EGLN2: variants seen among roughly 807,000 people sequenced by gnomAD.
EGLN2 encodes the protein egl-9 family hypoxia inducible factor 2.
EGLN2 carries 15 observed loss-of-function variants against 38.2 expected under a neutral mutation model. That is an observed-to-expected ratio of 0.39 (90% confidence interval 0.26 to 0.60). EGLN2 has a LOEUF of 0.60. Ranked by LOEUF, EGLN2 falls within the 20% of genes least tolerant of loss-of-function variation. The pLI is 0.50. For missense variants in EGLN2, 492 were observed against 570.4 expected (o/e 0.86, Z 1.40); for synonymous variants, 284 against 237.4 (o/e 1.20, Z -1.81).
chr19:40,801,534 C>T (rs2083258420), intron 2 of EGLN2, 119 bp downstream of exon 2: 1 of 1,422,062 alleles, frequency 7.0e-7, no homozygotes, highest in East Asian at 2.3e-5. Flanking sequence ...AAGGTTTAGG[C>T]AGTTCAGTGG....
rs1380826710 is a variant in EGLN2, at chr19:40,801,433, C to T, written c.843+18C>T. On this transcript the variant is annotated intron_variant, in intron 2 of 5. Coordinates refer to ENST00000303961, the MANE Select transcript of EGLN2 (RefSeq NM_080732.4). ...GCACCAAGGTAAGGCTAGGTGGGGG[C>T]CTCTTTGGAGGGGCTTTGCAGCACC... The T allele has an allele frequency of 6.3e-7, 1 of 1,592,908 alleles. No individual in the cohort carries two copies.
rs148078138 is a variant in EGLN2 at position 40,800,651 on chromosome 19, C to G, written c.79C>G (p.Pro27Ala). Residue 27 changes from proline to alanine, a missense_variant, in exon 2 of 6, where the codon CCT becomes GCT. Transcript: ENST00000303961. ...AGGGTCTTCGTCAGAGCCCTTGGAG[C>G]CTGAGCCTGGCCGGGCCAGGATGGG... Reference protein sequence around the residue: ...LPGSSSEPLEPEPGRARMGVE... With the variant: ...LPGSSSEPLEAEPGRARMGVE... 6.2e-6 allele frequency: 10 copies of G among 1,614,022 alleles called. No homozygotes were observed. In the South Asian group the frequency reaches 7.7e-5, roughly 12 times the overall value.
intron 2 of EGLN2, chr19:40,805,561 G>A (rs969052958): frequency 6.6e-6 from 1 of 152,262 alleles, no homozygotes; most frequent in Non-Finnish European, 1.5e-5. Context: ...TGGCAGCACT[G>A]AGACTTGAAC....
chr19:40,807,986 T>C lies in EGLN2; in HGVS notation c.*122T>C, dbSNP rs1599764597. 1.1e-6 allele frequency: 1 copy of C among 940,070 alleles called. No homozygotes were observed. The allele number at this position is 940,070 out of a possible 1,614,324, so 58.2% of individuals were successfully genotyped here. A position where few individuals can be genotyped will look rare whatever the true frequency, so the allele number is the denominator to read the frequency against. On this transcript the variant is annotated 3_prime_UTR_variant, in exon 6 of 6. Coordinates refer to ENST00000303961, the MANE Select transcript of EGLN2 (RefSeq NM_080732.4). ...CTGACTTTGCCTCTGTCCTGCCTGGTGTGGAGGGCTCTGTCTGTTGCTGAG... is the reference window on the plus strand; with the variant it reads ...CTGACTTTGCCTCTGTCCTGCCTGGCGTGGAGGGCTCTGTCTGTTGCTGAG...
chr19:40,799,871 T>C (rs1357868818), intron 1 of EGLN2: 4 of 151,784 alleles, frequency 2.6e-5, no homozygotes, highest in South Asian at 2.1e-4. Flanking sequence ...CTCTTTGTTT[T>C]TGGACTCCCC....
At chr19:40,803,012 C>G (rs996787588) in intron 2 of EGLN2, 1 of 152,322 alleles carries the variant, frequency 6.6e-6, no homozygotes, top group Admixed American at 6.5e-5. Context: ...TGTTCTACTT[C>G]CCTCTCCCTC....
intron 3 of EGLN2, 64 bp from the exon 4 acceptor site, chr19:40,807,074 G>C: frequency 6.3e-7 from 1 of 1,599,408 alleles, no homozygotes; most frequent in African/African-American, 1.3e-5. Context: ...GGGCTCCCGG[G>C]GCACCGTGGG....
rs1000260619 is a variant in EGLN2 at position 40,801,208 on chromosome 19, C to A, written c.636C>A (p.Ala212=). The A allele has an allele frequency of 1.2e-6, 2 of 1,612,664 alleles. No individual in the cohort carries two copies. Among genetic ancestry groups the A allele is most frequent in the Non-Finnish European group, 1.7e-6 (2 of 1,179,890 alleles). Residue 212 remains alanine, a synonymous_variant, in exon 2 of 6, where the codon GCC becomes GCA. Transcript: ENST00000303961. ...LGGRVLAEVE[A]LKRGGRLRDG... ...GTCGCGTGCTGGCCGAGGTGGAGGCCCTCAAACGGGGTGGGCGCCTGCGAG... is the reference window on the plus strand; with the variant it reads ...GTCGCGTGCTGGCCGAGGTGGAGGCACTCAAACGGGGTGGGCGCCTGCGAG...
chr19:40,801,948 C>T (rs996281495), intron 2 of EGLN2, among the ~76,000 whole-genome samples: 5 of 152,090 alleles, frequency 3.3e-5, no homozygotes, highest in Non-Finnish European at 5.9e-5. Context: ...ATGAGAGCTG[C>T]TGACATTCAC....
chr19:40,799,916 C>G (rs1261951410), intron 1 of EGLN2: 1 of 144,566 alleles, frequency 6.9e-6, no homozygotes, highest in African/African-American at 2.5e-5. Flanking sequence ...CCGCCCCCAC[C>G]CTGACTCTCC....
Position 40,808,016 on chromosome 19 carries a change from AAGG to A in EGLN2, c.*158_*160del, listed in dbSNP as rs1390803412. On this transcript the variant is annotated 3_prime_UTR_variant, in exon 6 of 6. Transcript: ENST00000303961. ...AGGGCTCTGTCTGTTGCTGAGGACC[AAGG>A]AGGAGAAGAGACCTTTGCTGCCCCA... is the stretch of plus-strand genomic sequence containing the variant. 1 of 744,526 alleles carries A rather than the reference AAGG, an allele frequency of 1.3e-6. No individual in the cohort carries two copies. Among genetic ancestry groups the A allele is most frequent in the Non-Finnish European group, 2.2e-6 (1 of 454,394 alleles). 46.1% of individuals were successfully genotyped at this position (744,526 alleles called of 1,614,324 possible). A position where few individuals can be genotyped will look rare whatever the true frequency, so the allele number is the denominator to read the frequency against.
chr19:40,800,387 G>T lies in EGLN2; in HGVS notation c.-186G>T. On this transcript the variant is annotated 5_prime_UTR_variant, in exon 2 of 6. Transcript: ENST00000303961. ...AGCCCTTAGGGACCGCAGAGGACTTGGGGACCAGCAAGCAACCCCCAGGGC... is the reference window on the plus strand; with the variant it reads ...AGCCCTTAGGGACCGCAGAGGACTTTGGGACCAGCAAGCAACCCCCAGGGC... The T allele has an allele frequency of 3.5e-6, 3 of 863,826 alleles. No individual in the cohort carries two copies. Among genetic ancestry groups the T allele is most frequent in the African/African-American group, 1.7e-5 (1 of 58,738 alleles). 53.5% of individuals were successfully genotyped at this position (863,826 alleles called of 1,614,324 possible). A position where few individuals can be genotyped will look rare whatever the true frequency, so the allele number is the denominator to read the frequency against.
At chr19:40,807,302 C>T (rs374003521) in intron 4 of EGLN2, 28 bp downstream of exon 4, 1 of 1,613,672 alleles carries the variant, frequency 6.2e-7, no homozygotes, top group African/African-American at 1.3e-5. Context: ...GGAGACGCAC[C>T]CAGGTGCTCC....
chr19:40,806,636 A>T lies in EGLN2; in HGVS notation c.925A>T (p.Thr309Ser). 1 of 1,613,954 alleles carries T rather than the reference A, an allele frequency of 6.2e-7. No individual in the cohort carries two copies. Among genetic ancestry groups the T allele is most frequent in the Non-Finnish European group, 8.5e-7 (1 of 1,179,956 alleles). ...DNPHGDGRCI[T>S]CIYYLNQNWD... The stretch of plus-strand genomic sequence containing the variant: ...TCCCCACGGCGATGGGCGCTGCATC[A>T]CCTGTATCTATTACCTGAATCAGAA... Residue 309 changes from threonine (T) to serine (S), a missense_variant, in exon 3 of 6, where the codon ACC becomes TCC. Around this residue, in one of 2 missense-constraint regions of EGLN2, gnomAD observed 114 missense variants for 184.2 expected, o/e 0.62. Coordinates refer to ENST00000303961, the MANE Select transcript of EGLN2 (RefSeq NM_080732.4).
At chr19:40,806,516 C>T (rs1412869407) in intron 2 of EGLN2, 39 bp from the exon 3 acceptor site, 1 of 1,612,378 alleles carries the variant, frequency 6.2e-7, no homozygotes, top group Admixed American at 1.7e-5. Context: ...GATGTGCCTG[C>T]CTAGCCCCAG....
intron 2 of EGLN2, 183 bp from the exon 3 acceptor site, chr19:40,806,372 G>C (rs1389902395): frequency 1.6e-6 from 2 of 1,233,904 alleles, no homozygotes; most frequent in African/African-American, 3.1e-5. Context: ...GTTTCTGATA[G>C]ACTTGGGGAT....
chr19:40,807,541 G>GTT lies in EGLN2; in HGVS notation c.1159_1160insTT (p.Tyr387PhefsTer4). 6.2e-7 allele frequency: 1 copy of GTT among 1,614,174 alleles called. No homozygotes were observed. The highest frequency in any genetic ancestry group is 8.5e-7 in the Non-Finnish European group (1 of 1,180,006). ...AGGAGCGGGCAGCAGCCAAAGACAA[G>GTT]TATCAGCTAGGTACCTGCTTCCCTC... is the stretch of plus-strand genomic sequence containing the variant. On this transcript the variant is annotated frameshift_variant, in exon 5 of 6. Transcript: ENST00000303961. LOFTEE classifies it high-confidence loss of function.
chr19:40,807,415 C>G, intron 4 of EGLN2, 69 bp from the exon 5 acceptor site: 1 of 1,605,448 alleles, frequency 6.2e-7, no homozygotes, highest in Non-Finnish European at 8.5e-7. Flanking sequence ...AAAAGGATGG[C>G]CGCCTAGTGT....
intron 2 of EGLN2, 89 bp downstream of exon 2, chr19:40,801,504 A>T: frequency 6.6e-7 from 1 of 1,521,172 alleles, no homozygotes; most frequent in South Asian, 1.3e-5. Context: ...GTTTGGAGAC[A>T]GGCTTCTGGG....
Sources: allele counts gnomAD v4.1 joint callset (sites outside exome capture counted in the v4.1 genomes callset), GRCh38; gene constraint gnomAD v4.1.1; regional missense constraint gnomAD v4.1.1; transcripts MANE v1.5; gene names NCBI Gene and HGNC (gene_info 2026-07-23, HGNC 2026-07-21).